The following PUM2 variants were observed in gnomAD, a reference collection of about 807,000 sequenced individuals.
PUM2 encodes the protein pumilio RNA binding family member 2.
Under a neutral mutation model 124.5 loss-of-function variants are expected in PUM2, and 57 were observed. The observed-to-expected ratio is 0.46, with a 90% CI of 0.37 to 0.57. The LOEUF (loss-of-function observed/expected upper bound fraction) is 0.57. PUM2 is among the 20% of genes least tolerant of loss of function. The pLI is 0.00. For missense variants in PUM2, 1,065 were observed against 1,290.6 expected (o/e 0.83, Z 2.68); for synonymous variants, 460 against 446.1 (o/e 1.03, Z -0.39).
At chr2:20,316,900 G>A (rs780586616) in intron 3 of PUM2, among the ~76,000 whole-genome samples, 1 of 151,918 alleles carries the variant, frequency 6.6e-6, no homozygotes, top group African/African-American at 2.4e-5. Context: ...CTGTGGTAGC[G>A]AGCACCTATT....
At chr2:20,305,963 G>A (rs1371203100) in intron 7 of PUM2, among the ~76,000 whole-genome samples, 1 of 152,164 alleles carries the variant, frequency 6.6e-6, no homozygotes, top group Non-Finnish European at 1.5e-5. Flanking sequence ...GCTCACGCCT[G>A]TAATCCCAGC....
In PUM2 at chr2:20,251,569, C is replaced by T. The variant is rs1663306930; in HGVS notation, c.*16G>A. Reference sequence around the variant, plus strand: ...TTCACATGGTTAAATTATCTTCTTTCTCTTGCTCCTGTAATTTACAGCATT... The same window carrying T: ...TTCACATGGTTAAATTATCTTCTTTTTCTTGCTCCTGTAATTTACAGCATT... On this transcript the variant is annotated 3_prime_UTR_variant, in exon 21 of 21. Coordinates refer to ENST00000361078, the MANE Select transcript of PUM2 (RefSeq NM_015317.5). 6.2e-7 allele frequency: 1 copy of T among 1,605,510 alleles called. No individual in the cohort carries two copies.
Position 20,254,883 on chromosome 2 carries a change from C to T in PUM2, c.2850G>A (p.Leu950=), listed in dbSNP as rs749263751. The T allele has an allele frequency of 6.2e-7, 1 of 1,613,718 alleles. No homozygotes were observed. The highest frequency in any genetic ancestry group is 1.1e-5 in the South Asian group (1 of 90,978). ...AATACCTGGCAAATTTGTGTTGACT[C>T]AGGGCTAAAACCTTTCCCCTGATTT... ...VSEIRGKVLA[L]SQHKFASNVV... The change falls in exon 19 of 21, where the codon CTG becomes CTA. Residue 950 remains leucine (L), a synonymous_variant. Coordinates refer to ENST00000361078, the MANE Select transcript of PUM2 (RefSeq NM_015317.5).
intron 13 of PUM2, among the ~76,000 whole-genome samples, chr2:20,265,357 G>A (rs976750028): frequency 8.5e-5 from 13 of 152,086 alleles, no homozygotes; most frequent in East Asian, 1.9e-4. Flanking sequence ...CAGCACCCAT[G>A]CATGATATTC....
chr2:20,316,105 G>A (rs1048182066), intron 3 of PUM2, among the ~76,000 whole-genome samples: 2 of 151,828 alleles, frequency 1.3e-5, no homozygotes, highest in African/African-American at 2.4e-5. Flanking sequence ...TGAGGACAAG[G>A]GTCATATAAT....
chr2:20,315,503 T>C (rs1680672166), intron 3 of PUM2, among the ~76,000 whole-genome samples: 1 of 152,178 alleles, frequency 6.6e-6, no homozygotes, highest in Non-Finnish European at 1.5e-5. Context: ...TCATGGTTTC[T>C]AGTAAAAGAC....
chr2:20,270,077 T>C (rs1273662960), intron 13 of PUM2, among the ~76,000 whole-genome samples: 1 of 152,174 alleles, frequency 6.6e-6, no homozygotes, highest in Non-Finnish European at 1.5e-5. Flanking sequence ...CTACCTCCTC[T>C]TGTGACTGAT....
At chr2:20,328,234 G>A (rs946699151) in intron 1 of PUM2, among the ~76,000 whole-genome samples, 13 of 152,178 alleles carry the variant, frequency 8.5e-5, no homozygotes, top group African/African-American at 3.1e-4. Context: ...TATTCGGGTG[G>A]CAGAAGAATT....
intron 1 of PUM2, among the ~76,000 whole-genome samples, chr2:20,330,542 T>C (rs1684695631): frequency 6.6e-6 from 1 of 152,226 alleles, no homozygotes; most frequent in East Asian, 1.9e-4. Context: ...TCTGGGAGCT[T>C]ACAGATAGCT....
At chr2:20,261,727 G>C (rs1666335170) in intron 14 of PUM2, among the ~76,000 whole-genome samples, 1 of 152,076 alleles carries the variant, frequency 6.6e-6, no homozygotes, top group South Asian at 2.1e-4. Flanking sequence ...TTGTGTCTTA[G>C]TTCTTAACAA....
At position 20,312,381 on chromosome 2, in the gene PUM2, C is replaced by A; in HGVS notation, c.203G>T (p.Gly68Val). 4 of 1,613,754 alleles carry A rather than the reference C, an allele frequency of 2.5e-6. No individual in the cohort carries two copies. ...TTCACTGTTTCCATGAAAACCCTGT[C>A]CAGATCTTCTCTGTACCATAATAGG... is the stretch of plus-strand genomic sequence containing the variant. ...SQPIMVQRRS[G>V]QGFHGNSEVN... Residue 68 changes from glycine (G) to valine (V), a missense_variant, in exon 4 of 21, where the codon GGA (glycine) becomes GTA (valine). By Grantham distance (109) the Gly-to-Val change is moderately radical (BLOSUM62 -3). Coordinates refer to ENST00000361078, the MANE Select transcript of PUM2 (RefSeq NM_015317.5).
At chr2:20,343,797 T>C (rs1006968256) in intron 1 of PUM2, among the ~76,000 whole-genome samples, 7 of 152,162 alleles carry the variant, frequency 4.6e-5, no homozygotes, top group Non-Finnish European at 1.0e-4. Flanking sequence ...GGTATGATGT[T>C]GTGCGCCTGT....
chr2:20,251,684 G>A lies in PUM2; in HGVS notation c.3096C>T (p.Tyr1032=), dbSNP rs72785292. 3.9e-3 allele frequency: 6,303 copies of A among 1,613,454 alleles called. 21 individuals carry two copies. The highest frequency in any genetic ancestry group is 5.0e-3 in the Non-Finnish European group (5,904 of 1,179,492). ...TGGCCAGTATATGCTTCCCGTATGT[G>A]TATTTGCGCAAAGTAGTAATGTGAG... ...IRPHITTLRK[Y]TYGKHILAKL... Residue 1032 remains tyrosine, a synonymous_variant, in exon 21 of 21, where the codon TAC becomes TAT. Transcript: ENST00000361078.
intron 1 of PUM2, among the ~76,000 whole-genome samples, chr2:20,332,769 A>G (rs1685192047): frequency 6.6e-6 from 1 of 152,208 alleles, no homozygotes; most frequent in African/African-American, 2.4e-5. Flanking sequence ...TTAGGGAGGA[A>G]AGATCTTTTC....
rs1205554826 is a variant in PUM2, at chr2:20,310,320, G to A, written c.518+1174C>T. 1.1e-4 allele frequency among the ~76,000 whole-genome samples: 17 copies of A among 151,962 alleles called. 1 individual carries two copies. The highest frequency in any genetic ancestry group is 1.0e-3 in the South Asian group (5 of 4,826). On this transcript the variant is annotated intron_variant, in intron 5 of 20. Transcript: ENST00000361078. ...TCCACATTAATATTTCAGGGGAGAC[G>A]TATAACCTCTCACACAAAGTAACTC...
At chr2:20,274,720 T>C (rs1669790850) in intron 13 of PUM2, among the ~76,000 whole-genome samples, 1 of 151,774 alleles carries the variant, frequency 6.6e-6, no homozygotes, top group South Asian at 2.1e-4. Context: ...AGCCGTTAGT[T>C]TGTCAAAACC....
chr2:20,311,176 C>G (rs1679514032), intron 5 of PUM2, among the ~76,000 whole-genome samples: 2 of 151,872 alleles, frequency 1.3e-5, no homozygotes, highest in African/African-American at 4.8e-5. Flanking sequence ...TCAGAGTAAA[C>G]CTACAGTTCA....
At chr2:20,301,190 C>T (rs766417544) in intron 7 of PUM2, among the ~76,000 whole-genome samples, 8 of 152,160 alleles carry the variant, frequency 5.3e-5, no homozygotes, top group African/African-American at 7.2e-5. Context: ...CCTGAGGCTG[C>T]GACATGGGCA....
At chr2:20,350,320 GCGCCCCA>G (rs1224931337) in intron 1 of PUM2, 12 of 344,164 alleles carry the variant, frequency 3.5e-5, no homozygotes, top group Non-Finnish European at 4.5e-5. Flanking sequence ...AACCGGGTCG[GCGCCCCA>G]CGCCCCCGAG....
Sources: allele counts gnomAD v4.1 joint callset (sites outside exome capture counted in the v4.1 genomes callset), GRCh38; gene constraint gnomAD v4.1.1; transcripts MANE v1.5; gene names NCBI Gene and HGNC (gene_info 2026-07-23, HGNC 2026-07-21).